The following FMO3 variants were observed in gnomAD, a reference collection of about 807,000 sequenced individuals.
FMO3 encodes the protein flavin containing dimethylaniline monoxygenase 3.
FMO3 carries 40 observed loss-of-function variants against 39.4 expected under a neutral mutation model. The ratio of observed to expected loss-of-function variants is 1.02; its 90% CI spans 0.79 to 1.32. FMO3 has a LOEUF of 1.32. FMO3 is among the 40% of genes most tolerant of loss of function. The pLI, the probability that FMO3 is intolerant of heterozygous loss-of-function variation, is 0.00. For missense variants in FMO3, 680 were observed against 651.8 expected (o/e 1.04, Z -0.47); for synonymous variants, 219 against 228.8 (o/e 0.96, Z 0.39).
rs1055235589 is a variant in FMO3 at position 171,114,330 on chromosome 1, T to G, written c.1151T>G (p.Leu384Arg). 1.2e-6 allele frequency: 2 copies of G among 1,613,692 alleles called. No homozygotes were observed. The highest frequency in any genetic ancestry group is 1.3e-5 in the African/African-American group (1 of 74,918). Residue 384 changes from leucine (L) to arginine (R), a missense_variant, in exon 7 of 9, where the codon CTC (leucine) becomes CGC (arginine). By Grantham distance (102) the Leu-to-Arg change is moderately radical. Coordinates refer to ENST00000367755, the MANE Select transcript of FMO3 (RefSeq NM_001002294.3). The stretch of plus-strand genomic sequence containing the variant: ...GGGGCTGCCATTCCCACAGTTGACC[T>G]CCAGTCCCGCTGGGCAGCACAAGTA... ...SLGAAIPTVDLQSRWAAQVIK... is the reference protein window; with the variant it reads ...SLGAAIPTVDRQSRWAAQVIK...
intron 2 of FMO3, among the ~76,000 whole-genome samples, chr1:171,102,320 A>C (rs1655435048): frequency 6.6e-6 from 1 of 151,564 alleles, no homozygotes; most frequent in Non-Finnish European, 1.5e-5. Context: ...TAGCAACTAC[A>C]CATAGAGATC....
At chr1:171,111,550 T>G (rs780099417) in intron 6 of FMO3, among the ~76,000 whole-genome samples, 2 of 152,118 alleles carry the variant, frequency 1.3e-5, no homozygotes, top group Non-Finnish European at 2.9e-5. Flanking sequence ...ATGTCCTACC[T>G]TTCCCTCTTC....
At chr1:171,095,738 A>G (rs1416468373) in intron 2 of FMO3, among the ~76,000 whole-genome samples, 1 of 132,222 alleles carries the variant, frequency 7.6e-6, no homozygotes, top group African/African-American at 2.7e-5. Context: ...TCTTTTATAT[A>G]TATCTATAAT....
intron 3 of FMO3, among the ~76,000 whole-genome samples, chr1:171,104,620 T>A (rs1054418007): frequency 3.9e-5 from 6 of 152,122 alleles, no homozygotes; most frequent in African/African-American, 1.4e-4. Flanking sequence ...CATCTTATAG[T>A]CCCAACACTT....
intron 6 of FMO3, among the ~76,000 whole-genome samples, chr1:171,113,337 G>T (rs1248728372): frequency 2.0e-5 from 3 of 152,072 alleles, no homozygotes; most frequent in African/African-American, 7.2e-5. Context: ...ATTCCTGGGT[G>T]CTCCCTCCTT....
Position 171,114,080 on chromosome 1 carries a change from C to A in FMO3, c.901C>A (p.Pro301Thr), listed in dbSNP as rs193203655. 3.7e-6 allele frequency: 6 copies of A among 1,613,544 alleles called. No homozygotes were observed. In the East Asian group the frequency reaches 6.7e-5, roughly 18 times the overall value. The change falls in exon 7 of 9, where the codon CCT (proline) becomes ACT (threonine). Residue 301 changes from proline to threonine, a missense_variant. Pro to Thr is a conservative substitution (Grantham distance 38, BLOSUM62 -1). Coordinates refer to ENST00000367755, the MANE Select transcript of FMO3 (RefSeq NM_001002294.3). Reference sequence around the variant, plus strand: ...TCTGTGTGGCATTGTGTCCGTAAAGCCTAACGTGAAGGAATTCACAGAGAC... The same window carrying A: ...TCTGTGTGGCATTGTGTCCGTAAAGACTAACGTGAAGGAATTCACAGAGAC... ...SILCGIVSVK[P>T]NVKEFTETSA...
intron 2 of FMO3, among the ~76,000 whole-genome samples, chr1:171,098,799 T>C (rs1430110810): frequency 6.6e-6 from 1 of 152,202 alleles, no homozygotes; most frequent in African/African-American, 2.4e-5. Context: ...TCCTGCCTGA[T>C]TTCCCTGGCC....
intron 3 of FMO3, among the ~76,000 whole-genome samples, chr1:171,107,113 C>T (rs1022800247): frequency 6.6e-6 from 1 of 152,096 alleles, no homozygotes; most frequent in African/African-American, 2.4e-5. Flanking sequence ...AGGGAGCACA[C>T]CAACAGGCAG....
intron 2 of FMO3, among the ~76,000 whole-genome samples, chr1:171,094,164 G>A (rs1403616112): frequency 6.6e-6 from 1 of 152,018 alleles, no homozygotes; most frequent in Non-Finnish European, 1.5e-5. Context: ...TCTGACTGGT[G>A]TAAGATAGTA....
intron 5 of FMO3, among the ~76,000 whole-genome samples, chr1:171,108,446 TTCTTC>T (rs765365523): frequency 1.7e-4 from 26 of 152,274 alleles, no homozygotes; most frequent in South Asian, 1.2e-3. Context: ...AACAATCTCC[TTCTTC>T]AAGACATTTG....
chr1:171,095,068 T>C (rs1211135192), intron 2 of FMO3, among the ~76,000 whole-genome samples: 1 of 152,198 alleles, frequency 6.6e-6, no homozygotes, highest in Non-Finnish European at 1.5e-5. Context: ...TGAGATGTTT[T>C]ACCATTTGTG....
chr1:171,093,702 T>A (rs939655825), intron 2 of FMO3, among the ~76,000 whole-genome samples: 5 of 152,084 alleles, frequency 3.3e-5, no homozygotes, highest in Non-Finnish European at 7.4e-5. Flanking sequence ...GATAGATATC[T>A]ACTAGGGGCA....
At chr1:171,111,384 T>G (rs1422732814) in intron 6 of FMO3, among the ~76,000 whole-genome samples, 1 of 152,124 alleles carries the variant, frequency 6.6e-6, no homozygotes, top group Non-Finnish European at 1.5e-5. Flanking sequence ...TGCGTTTCAG[T>G]GTAGTTAATA....
chr1:171,096,071 T>TATAAATA lies in FMO3; in HGVS notation c.132+3281_132+3282insATAAATA, dbSNP rs1491505210. Among the ~76,000 whole-genome samples, 8 of 53,670 alleles carry TATAAATA rather than the reference T, an allele frequency of 1.5e-4. No individual in the cohort carries two copies. In the South Asian group the frequency reaches 1.9e-3, roughly 13 times the overall value. The allele number at this position is 53,670 out of a possible 152,430, so 35.2% of individuals were successfully genotyped here. A position where few individuals can be genotyped will look rare whatever the true frequency, so the allele number is the denominator to read the frequency against. On this transcript the variant is annotated intron_variant, in intron 2 of 8. Coordinates refer to ENST00000367755, the MANE Select transcript of FMO3 (RefSeq NM_001002294.3). ...ATAAATATATAATATATATTATATA[T>TATAAATA]TAATATATAATATATATTAATATTT...
intron 2 of FMO3, among the ~76,000 whole-genome samples, chr1:171,097,113 C>T (rs1159078389): frequency 2.0e-5 from 3 of 148,512 alleles, no homozygotes; most frequent in African/African-American, 5.0e-5. Flanking sequence ...CTACAAAGGA[C>T]ATGAACTCAT....
intron 2 of FMO3, chr1:171,100,952 T>C (rs1219791849): frequency 1.4e-5 from 5 of 349,334 alleles, no homozygotes; most frequent in South Asian, 6.8e-5. Context: ...AACGCTATAA[T>C]GAATGCATCG....
intron 6 of FMO3, among the ~76,000 whole-genome samples, chr1:171,111,793 T>C (rs540912152): frequency 6.6e-6 from 1 of 152,340 alleles, no homozygotes; most frequent in Admixed American, 6.5e-5. Flanking sequence ...CATCCTGTGT[T>C]TAGCCCTGTG....
chr1:171,091,899 G>A (rs983554456), intron 1 of FMO3, among the ~76,000 whole-genome samples: 2 of 152,004 alleles, frequency 1.3e-5, no homozygotes, highest in African/African-American at 4.8e-5. Flanking sequence ...TTGCGTGTGT[G>A]TGTGTGTGTG....
intron 7 of FMO3, among the ~76,000 whole-genome samples, chr1:171,115,252 T>C (rs953947890): frequency 2.0e-5 from 3 of 152,166 alleles, no homozygotes; most frequent in Non-Finnish European, 4.4e-5. Flanking sequence ...AAAATTGATG[T>C]ACACGGCACA....
Sources: allele counts gnomAD v4.1 joint callset (sites outside exome capture counted in the v4.1 genomes callset), GRCh38; gene constraint gnomAD v4.1.1; transcripts MANE v1.5; gene names NCBI Gene and HGNC (gene_info 2026-07-23, HGNC 2026-07-21).